Variants in NUSAP1 observed in about 807,000 individuals in gnomAD.
The protein encoded by NUSAP1 is nucleolar and spindle-associated protein 1.
In NUSAP1, 32 loss-of-function variants were observed where a neutral mutation model predicts 52.8. That is an observed-to-expected ratio of 0.61 (90% CI 0.46 to 0.81). The LOEUF is 0.81. Among genes scored for constraint, NUSAP1 ranks in the 40% least tolerant of loss-of-function variants. The probability of loss-of-function intolerance (pLI) is 0.00; values close to 1 mark genes in which losing one functional copy is unlikely to be tolerated. For missense variants in NUSAP1, 499 were observed against 522.3 expected (o/e 0.96, Z 0.43); for synonymous variants, 195 against 183.1 (o/e 1.06, Z -0.52).
chr15:41,333,414 G>A (rs564300282), intron 1 of NUSAP1, among the ~76,000 whole-genome samples: 1 of 152,144 alleles, frequency 6.6e-6, no homozygotes, highest in East Asian at 1.9e-4. Flanking sequence ...AGACAATTAA[G>A]TAAATAATTG....
At chr15:41,363,339 C>G (rs4580125) in intron 6 of NUSAP1, among the ~76,000 whole-genome samples, 1 of 146,560 alleles carries the variant, frequency 6.8e-6, no homozygotes, top group South Asian at 2.1e-4. Context: ...CTCTCTCTCT[C>G]TATATATATA....
At chr15:41,373,976 T>A (rs2049819472) in intron 8 of NUSAP1, among the ~76,000 whole-genome samples, 1 of 152,064 alleles carries the variant, frequency 6.6e-6, no homozygotes, top group South Asian at 2.1e-4. Context: ...GATCATGAGT[T>A]CAGGAGATTG....
At chr15:41,337,842 C>T (rs1227004587) in intron 1 of NUSAP1, among the ~76,000 whole-genome samples, 2 of 152,172 alleles carry the variant, frequency 1.3e-5, no homozygotes, top group East Asian at 1.9e-4. Context: ...TGGAGTGCCC[C>T]CAGGGCTCTC....
At position 41,364,163 on chromosome 15, in the gene NUSAP1, G is replaced by A. The variant is rs750306632; in HGVS notation, c.661-1239G>A. On this transcript the variant is annotated intron_variant, in intron 6 of 10. Coordinates refer to ENST00000559596, the MANE Select transcript of NUSAP1 (RefSeq NM_016359.5). ...TTATATTTAATAAACTGTATATAACGTCTCAAAGCTTCCGTATTTCCAAAA... is the reference window on the plus strand; with the variant it reads ...TTATATTTAATAAACTGTATATAACATCTCAAAGCTTCCGTATTTCCAAAA... Among the ~76,000 whole-genome samples the A allele has an allele frequency of 2.4e-4, 36 of 152,168 alleles. 1 individual carries two copies. Among genetic ancestry groups the A allele is most frequent in the South Asian group, 1.0e-3 (5 of 4,820 alleles).
At chr15:41,337,369 T>G (rs1864397072) in intron 1 of NUSAP1, among the ~76,000 whole-genome samples, 1 of 152,162 alleles carries the variant, frequency 6.6e-6, no homozygotes, top group Non-Finnish European at 1.5e-5. Context: ...ATACTCTGCT[T>G]CTTTGCCTGT....
rs1380647536 is a variant in NUSAP1, at chr15:41,351,041, A to G, written c.360A>G (p.Glu120=). The G allele has an allele frequency of 7.4e-6, 12 of 1,613,500 alleles. No individual in the cohort carries two copies. Among genetic ancestry groups the G allele is most frequent in the Non-Finnish European group, 1.7e-6 (2 of 1,179,666 alleles). The change falls in exon 4 of 11, where the codon GAA becomes GAG. Residue 120 remains glutamate (E), a synonymous_variant. Transcript: ENST00000559596. ...ISNPTEFQNH[E]KQESQDLRAT... is the part of the protein sequence containing the mutation. ...ATCCCACTGAATTCCAGAATCATGA[A>G]AAGCAGGAAAGCCAGGATCTCAGAG...
chr15:41,350,898 C>T, intron 3 of NUSAP1, 90 bp from the exon 4 acceptor site: 1 of 1,106,552 alleles, frequency 9.0e-7, no homozygotes, highest in Non-Finnish European at 1.3e-6. Flanking sequence ...TTCCTTTAAC[C>T]CCTTTTCCCC....
intron 5 of NUSAP1, among the ~76,000 whole-genome samples, chr15:41,357,196 C>T (rs1473722827): frequency 1.3e-5 from 2 of 151,928 alleles, no homozygotes; most frequent in Admixed American, 1.3e-4. Flanking sequence ...GGTGAAACCC[C>T]ATCTCTACTG....
chr15:41,358,701 T>A (rs1246238353), intron 6 of NUSAP1, among the ~76,000 whole-genome samples: 1 of 152,064 alleles, frequency 6.6e-6, no homozygotes, highest in Non-Finnish European at 1.5e-5. Flanking sequence ...GCCACTGCAC[T>A]CCAGCCTGGG....
chr15:41,333,089 C>T (rs778946191), intron 1 of NUSAP1, 39 bp downstream of exon 1: 31 of 1,489,056 alleles, frequency 2.1e-5, no homozygotes, highest in Non-Finnish European at 2.7e-5. Flanking sequence ...GCGGGCGCGG[C>T]GGGAATAGCG....
At chr15:41,334,206 C>T (rs1001065920) in intron 1 of NUSAP1, among the ~76,000 whole-genome samples, 5 of 152,148 alleles carry the variant, frequency 3.3e-5, no homozygotes, top group African/African-American at 1.2e-4. Flanking sequence ...GCAACCTCCG[C>T]CTCCTGGGTT....
At chr15:41,340,653 T>G (rs1195544238) in intron 1 of NUSAP1, among the ~76,000 whole-genome samples, 1 of 152,180 alleles carries the variant, frequency 6.6e-6, no homozygotes, top group Non-Finnish European at 1.5e-5. Flanking sequence ...TTTGTATGTT[T>G]GGTGAGATTT....
At chr15:41,345,874 G>C (rs2140575392) in intron 2 of NUSAP1, among the ~76,000 whole-genome samples, 1 of 152,172 alleles carries the variant, frequency 6.6e-6, no homozygotes, top group South Asian at 2.1e-4. Flanking sequence ...GGTCCATCTG[G>C]ATGTCTCTTC....
chr15:41,378,943 G>GGTTTTTTTTTTTT (rs1555379758), intron 10 of NUSAP1, among the ~76,000 whole-genome samples: 8 of 62,824 alleles, frequency 1.3e-4, no homozygotes, highest in African/African-American at 1.9e-4. Context: ...AACTTATCTT[G>GGTTTTTTTTTTTT]GTTTTTTTTT....
intron 5 of NUSAP1, among the ~76,000 whole-genome samples, chr15:41,356,931 C>G (rs1053777539): frequency 6.6e-6 from 1 of 152,118 alleles, no homozygotes; most frequent in Admixed American, 6.6e-5. Flanking sequence ...TGCAATGCTG[C>G]TTATCGTATA....
intron 8 of NUSAP1, among the ~76,000 whole-genome samples, chr15:41,373,990 C>T (rs1429598673): frequency 2.6e-5 from 4 of 152,080 alleles, no homozygotes; most frequent in Admixed American, 2.6e-4. Flanking sequence ...GAGATTGAGA[C>T]CATCCTGGCT....
chr15:41,379,320 G>C (rs568211132), intron 10 of NUSAP1, among the ~76,000 whole-genome samples: 9 of 150,662 alleles, frequency 6.0e-5, no homozygotes, highest in African/African-American at 2.2e-4. Context: ...TTAGAGACAG[G>C]GTCTTACTTT....
At chr15:41,352,297 T>A (rs1475833849) in intron 4 of NUSAP1, among the ~76,000 whole-genome samples, 1 of 152,028 alleles carries the variant, frequency 6.6e-6, no homozygotes, top group East Asian at 1.9e-4. Flanking sequence ...TAAAAAATAA[T>A]AATAAATAAA....
At chr15:41,338,521 A>G (rs1039725516) in intron 1 of NUSAP1, among the ~76,000 whole-genome samples, 15 of 152,134 alleles carry the variant, frequency 9.9e-5, no homozygotes, top group African/African-American at 3.4e-4. Context: ...CCAGCGCTGC[A>G]AACCTGTGCC....
Sources: allele counts gnomAD v4.1 joint callset (sites outside exome capture counted in the v4.1 genomes callset), GRCh38; gene constraint gnomAD v4.1.1; transcripts MANE v1.5; gene names NCBI Gene and HGNC (gene_info 2026-07-23, HGNC 2026-07-21).